PFKFB3: variants seen among roughly 807,000 people sequenced by gnomAD.
PFKFB3 encodes 6-phosphofructo-2-kinase/fructose-2,6-biphosphatase 3, also known as 6-phosphofructo-2-kinase/fructose-2,6-bisphosphatase 3.
PFKFB3 carries 33 observed loss-of-function variants against 68.0 expected under a neutral mutation model. The observed-to-expected ratio is 0.49, with a 90% CI of 0.37 to 0.65. The LOEUF (loss-of-function observed/expected upper bound fraction) is 0.65. PFKFB3 is among the 30% of genes least tolerant of loss of function. The pLI, the probability that PFKFB3 is intolerant of heterozygous loss-of-function variation, is 0.00. For missense variants in PFKFB3, 586 were observed against 712.2 expected, an observed-to-expected ratio of 0.82 and a Z score of 2.02; for synonymous variants, 315 against 288.2, an observed-to-expected ratio of 1.09 and a Z score of -0.94.
chr10:6,310,811 T>A, the PFKFB3 span, among the ~76,000 whole-genome samples: 1 of 152,182 alleles, frequency 6.6e-6, no homozygotes, highest in Non-Finnish European at 1.5e-5. Context: ...AAATCGATGT[T>A]CATAAGAGCT....
At chr10:6,231,267 ACTGT>A (rs1845724222) in intron 14 of PFKFB3, 2 of 1,606,462 alleles carry the variant, frequency 1.2e-6, no homozygotes, top group South Asian at 1.1e-5. Context: ...TGAAAGACGA[ACTGT>A]CTGTCACATT....
At chr10:6,287,524 C>G in the PFKFB3 span, among the ~76,000 whole-genome samples, 1 of 152,162 alleles carries the variant, frequency 6.6e-6, no homozygotes, top group East Asian at 1.9e-4. Flanking sequence ...TGTAACCTAG[C>G]AACAATAGGC....
intron 14 of PFKFB3, among the ~76,000 whole-genome samples, chr10:6,245,328 C>T (rs1165539228): frequency 2.6e-5 from 4 of 152,010 alleles, no homozygotes; most frequent in South Asian, 2.1e-4. Flanking sequence ...AACTCCTGAC[C>T]TTGTGATCTG....
the PFKFB3 span, among the ~76,000 whole-genome samples, chr10:6,292,163 A>C: frequency 6.6e-6 from 1 of 150,602 alleles, no homozygotes; most frequent in East Asian, 1.9e-4. Context: ...CATGTTGGCC[A>C]GGCTGGTCTC....
At chr10:6,263,592 C>A in the PFKFB3 span, among the ~76,000 whole-genome samples, 2 of 152,218 alleles carry the variant, frequency 1.3e-5, no homozygotes, top group African/African-American at 4.8e-5. Context: ...AGGAAGCCAA[C>A]CAGCAAGGGG....
intron 1 of PFKFB3, among the ~76,000 whole-genome samples, chr10:6,145,272 CTCCGGCCTCGCGTCTCCTT>C (rs540681219): frequency 3.3e-4 from 50 of 151,770 alleles, no homozygotes; most frequent in South Asian, 6.3e-4. Context: ...ACGCGTCCCC[CTCCGGCCTCGCGTCTCCTT>C]TCCGGCCTCG....
At chr10:6,274,476 A>G in the PFKFB3 span, among the ~76,000 whole-genome samples, 2 of 152,260 alleles carry the variant, frequency 1.3e-5, no homozygotes, top group Admixed American at 1.3e-4. Flanking sequence ...TACCACTTTA[A>G]TAATGCATTC....
the PFKFB3 span, among the ~76,000 whole-genome samples, chr10:6,281,013 C>T: frequency 3.3e-5 from 5 of 150,926 alleles, no homozygotes; most frequent in African/African-American, 1.2e-4. Flanking sequence ...GCCTTTGCAT[C>T]CTCATAGCTT....
the PFKFB3 span, among the ~76,000 whole-genome samples, chr10:6,301,558 G>C: frequency 6.6e-6 from 1 of 152,142 alleles, no homozygotes; most frequent in South Asian, 2.1e-4. Context: ...GGATTTTCAG[G>C]TTTTTTACTT....
the PFKFB3 span, chr10:6,326,501 A>T: frequency 2.2e-6 from 1 of 453,294 alleles, no homozygotes; most frequent in Non-Finnish European, 4.4e-6. Context: ...CTTACTAAAA[A>T]CTGCACATTT....
chr10:6,260,926 G>C, the PFKFB3 span, among the ~76,000 whole-genome samples: 1 of 152,200 alleles, frequency 6.6e-6, no homozygotes, highest in Non-Finnish European at 1.5e-5. Context: ...ATGTAAATGG[G>C]AGGTGGTAGG....
At chr10:6,179,561 T>C (rs1382619540) in intron 1 of PFKFB3, among the ~76,000 whole-genome samples, 1 of 152,010 alleles carries the variant, frequency 6.6e-6, no homozygotes, top group Non-Finnish European at 1.5e-5. Flanking sequence ...TTCTCTCCTA[T>C]GGTGGGATGT....
chr10:6,251,832 G>A (rs1846388653), intron 14 of PFKFB3, among the ~76,000 whole-genome samples: 1 of 152,142 alleles, frequency 6.6e-6, no homozygotes, highest in Non-Finnish European at 1.5e-5. Flanking sequence ...GCCAGGTGTG[G>A]TGGCGGGTGC....
chr10:6,145,161 G>T lies in PFKFB3; in HGVS notation c.16+148G>T, dbSNP rs551516114. ...GGTGCCGCCCGGGGCCAAGCGAGAC[G>T]CGCTCCGCCTTGTCCCCTCCGCCCT... On this transcript the variant is annotated intron_variant, in intron 1 of 14. Transcript: ENST00000379789. The T allele has an allele frequency of 1.6e-4, 85 of 535,284 alleles. No individual in the cohort carries two copies. In the African/African-American group the frequency reaches 1.6e-3, roughly 10 times the overall value. 33.2% of individuals were successfully genotyped at this position (535,284 alleles called of 1,614,324 possible).
intron 1 of PFKFB3, chr10:6,146,313 A>G: frequency 1.3e-6 from 2 of 1,520,282 alleles, no homozygotes; most frequent in African/African-American, 1.4e-5. Flanking sequence ...GTGCCTAGGT[A>G]TCAGCGTGGG....
the PFKFB3 span, among the ~76,000 whole-genome samples, chr10:6,304,409 G>T: frequency 1.3e-5 from 2 of 150,968 alleles, no homozygotes; most frequent in Non-Finnish European, 2.9e-5. Flanking sequence ...ACAGCATCAC[G>T]TATCCCTTCT....
intron 1 of PFKFB3, among the ~76,000 whole-genome samples, chr10:6,172,823 G>GAA (rs56885054): frequency 1.4e-5 from 2 of 143,302 alleles, no homozygotes; most frequent in Non-Finnish European, 3.0e-5. Context: ...CTTCATCTCA[G>GAA]AAAAAAAAAA....
chr10:6,244,041 G>A (rs1041498112), intron 14 of PFKFB3, among the ~76,000 whole-genome samples: 1 of 152,032 alleles, frequency 6.6e-6, no homozygotes, highest in Admixed American at 6.6e-5. Context: ...TTTATTTTTT[G>A]TAGAAATGGG....
chr10:6,207,110 G>C (rs539359608), intron 1 of PFKFB3, among the ~76,000 whole-genome samples: 122 of 152,102 alleles, frequency 8.0e-4, no homozygotes, highest in African/African-American at 2.9e-3. Context: ...AAGTTGTAGC[G>C]AGCCGAGATC....
Sources: gnomAD v4.1 joint callset for allele counts (sites outside exome capture counted in the v4.1 genomes callset) on GRCh38, gnomAD v4.1.1 for gene constraint, MANE v1.5 for transcripts, NCBI Gene and HGNC (gene_info 2026-07-23, HGNC 2026-07-21) for gene names.